Variants in ARL15 observed in about 807,000 individuals in gnomAD.
The protein encoded by ARL15 is ADP-ribosylation factor-like protein 15.
A neutral mutation model predicts 25.2 loss-of-function variants in ARL15; 19 were observed. The ratio of observed to expected loss-of-function variants is 0.75; its 90% confidence interval spans 0.53 to 1.10. The LOEUF (loss-of-function observed/expected upper bound fraction) is 1.10. Among genes scored for constraint, ARL15 ranks in the 50% least tolerant of loss-of-function variants. The pLI, the probability that ARL15 is intolerant of heterozygous loss-of-function variation, is 0.00. For missense variants in ARL15, 220 were observed against 246.0 expected (o/e 0.89, Z 0.71); for synonymous variants, 94 against 86.8 (o/e 1.08, Z -0.46).
intron 3 of ARL15, among the ~76,000 whole-genome samples, chr5:54,124,920 G>A (rs1250512761): frequency 6.6e-6 from 1 of 152,036 alleles, no homozygotes; most frequent in Non-Finnish European, 1.5e-5. Context: ...TTGACCCCTG[G>A]TGTAATCTCC....
chr5:54,203,675 T>C (rs1418966334), intron 1 of ARL15, among the ~76,000 whole-genome samples: 1 of 152,188 alleles, frequency 6.6e-6, no homozygotes, highest in Non-Finnish European at 1.5e-5. Context: ...TTCTTGAAGA[T>C]AATTTTAATC....
intron 1 of ARL15, among the ~76,000 whole-genome samples, chr5:54,263,441 A>G (rs1757545692): frequency 6.6e-6 from 1 of 152,186 alleles, no homozygotes; most frequent in Admixed American, 6.5e-5. Flanking sequence ...GGAATCACAT[A>G]ATTTAAAAAG....
rs144952744 is a variant in ARL15, at chr5:53,924,652, T to A, written c.463-37939A>T. Among the ~76,000 whole-genome samples, 28 of 152,324 alleles carry A rather than the reference T, an allele frequency of 1.8e-4. 1 individual carries two copies. In the East Asian group the frequency reaches 5.2e-3, roughly 28 times the overall value. ...GTTCCACACTGTTTTTCATTTTTCATTCTCACTTAAAGGCTGCTCACCGTA... is the reference window on the plus strand; with the variant it reads ...GTTCCACACTGTTTTTCATTTTTCAATCTCACTTAAAGGCTGCTCACCGTA... On this transcript the variant is annotated intron_variant, in intron 4 of 4. Coordinates refer to ENST00000504924, the MANE Select transcript of ARL15 (RefSeq NM_019087.3).
At chr5:54,277,518 G>A (rs1281326588) in intron 1 of ARL15, among the ~76,000 whole-genome samples, 5 of 152,182 alleles carry the variant, frequency 3.3e-5, no homozygotes, top group African/African-American at 4.8e-5. Context: ...TTGGGAGGCC[G>A]AGGCGGGCGG....
chr5:54,283,208 G>A (rs1024460879), intron 1 of ARL15, among the ~76,000 whole-genome samples: 5 of 152,202 alleles, frequency 3.3e-5, no homozygotes, highest in African/African-American at 1.2e-4. Flanking sequence ...TGCAGTCCTT[G>A]AGGAAGACCA....
chr5:54,049,956 C>A (rs998933659), intron 4 of ARL15, among the ~76,000 whole-genome samples: 1 of 152,120 alleles, frequency 6.6e-6, no homozygotes, highest in African/African-American at 2.4e-5. Flanking sequence ...TTTAAGCCAC[C>A]ATTTGTTGGA....
In ARL15 at chr5:54,044,578, T is replaced by C. The variant is rs961423277; in HGVS notation, c.462+68624A>G. The stretch of plus-strand genomic sequence containing the variant: ...CCTTTATTTAAAGACACATTTTGAA[T>C]TTAAAAAAAGGTAAATATGCAACTT... On this transcript the variant is annotated intron_variant, in intron 4 of 4. Coordinates refer to ENST00000504924, the MANE Select transcript of ARL15 (RefSeq NM_019087.3). 4.6e-5 allele frequency among the ~76,000 whole-genome samples: 7 copies of C among 152,234 alleles called. No homozygotes were observed. In the East Asian group the frequency reaches 5.8e-4, roughly 13 times the overall value.
intron 4 of ARL15, among the ~76,000 whole-genome samples, chr5:53,888,452 T>TA (rs1744608098): frequency 6.6e-6 from 1 of 151,920 alleles, no homozygotes; most frequent in African/African-American, 2.4e-5. Flanking sequence ...GGCTAATTTT[T>TA]AAAAAATCTT....
chr5:53,977,285 G>A (rs1747964837), intron 4 of ARL15, among the ~76,000 whole-genome samples: 1 of 151,404 alleles, frequency 6.6e-6, no homozygotes, highest in Admixed American at 6.6e-5. Context: ...GAACCCGGGA[G>A]GCGGAGCTTG....
At chr5:54,189,509 A>G (rs975526850) in intron 1 of ARL15, among the ~76,000 whole-genome samples, 10 of 152,192 alleles carry the variant, frequency 6.6e-5, no homozygotes, top group Non-Finnish European at 1.2e-4. Context: ...TGGTCAAATG[A>G]TTTTGGGCAA....
intron 4 of ARL15, among the ~76,000 whole-genome samples, chr5:54,002,730 C>T (rs928180502): frequency 6.6e-6 from 1 of 152,222 alleles, no homozygotes; most frequent in African/African-American, 2.4e-5. Flanking sequence ...TGATCGCTAA[C>T]AGATGCATAT....
intron 1 of ARL15, among the ~76,000 whole-genome samples, chr5:54,275,674 T>C (rs898035412): frequency 1.3e-5 from 2 of 149,706 alleles, no homozygotes; most frequent in Admixed American, 1.3e-4. Flanking sequence ...AAATTTTATA[T>C]TATTATTATT....
intron 4 of ARL15, among the ~76,000 whole-genome samples, chr5:54,059,556 C>G (rs1475763140): frequency 1.3e-5 from 2 of 152,076 alleles, no homozygotes; most frequent in Non-Finnish European, 2.9e-5. Flanking sequence ...AGACAGAAAA[C>G]AGTATTTGAG....
At chr5:53,968,145 G>A (rs935835456) in intron 4 of ARL15, among the ~76,000 whole-genome samples, 4 of 152,194 alleles carry the variant, frequency 2.6e-5, no homozygotes, top group African/African-American at 9.7e-5. Flanking sequence ...TTTAATATAA[G>A]AGAGAGTTAG....
At chr5:54,076,645 G>C in intron 4 of ARL15, among the ~76,000 whole-genome samples, 1 of 151,986 alleles carries the variant, frequency 6.6e-6, no homozygotes, top group East Asian at 1.9e-4. Context: ...ACCTTCTCAA[G>C]GCCAAAACTT....
At chr5:54,256,016 A>G (rs1219243698) in intron 1 of ARL15, among the ~76,000 whole-genome samples, 1 of 152,064 alleles carries the variant, frequency 6.6e-6, no homozygotes, top group Admixed American at 6.5e-5. Context: ...GGAACTAGAG[A>G]CAAAAGAAAA....
At chr5:54,109,059 C>T (rs900959072) in intron 4 of ARL15, among the ~76,000 whole-genome samples, 1 of 151,938 alleles carries the variant, frequency 6.6e-6, no homozygotes, top group African/African-American at 2.4e-5. Flanking sequence ...TCAAACATAA[C>T]ACAAAGTTCT....
chr5:53,908,331 C>A (rs1202622517), intron 4 of ARL15, among the ~76,000 whole-genome samples: 2 of 151,066 alleles, frequency 1.3e-5, no homozygotes, highest in Non-Finnish European at 3.0e-5. Flanking sequence ...TGAAAATACT[C>A]AAAAAAAAAT....
chr5:54,109,437 A>C (rs1015991188), intron 4 of ARL15, among the ~76,000 whole-genome samples: 2 of 152,012 alleles, frequency 1.3e-5, no homozygotes, highest in African/African-American at 4.8e-5. Flanking sequence ...GTGTTCTTTT[A>C]TAAGACACAA....
Sources: gnomAD v4.1 joint callset for allele counts (sites outside exome capture counted in the v4.1 genomes callset) on GRCh38, gnomAD v4.1.1 for gene constraint, MANE v1.5 for transcripts, NCBI Gene and HGNC (gene_info 2026-07-23, HGNC 2026-07-21) for gene names.